The following PFKL variants were observed in gnomAD, a reference collection of about 807,000 sequenced individuals.
The protein encoded by PFKL is ATP-dependent 6-phosphofructokinase, liver type.
A neutral mutation model predicts 92.1 loss-of-function variants in PFKL; 74 were observed. The observed-to-expected ratio is 0.80, with a 90% CI of 0.67 to 0.97. The LOEUF is 0.97. Ranked by LOEUF, PFKL falls within the 50% of genes least tolerant of loss-of-function variation. The pLI, the probability that PFKL is intolerant of heterozygous loss-of-function variation, is 0.00. For synonymous variants in PFKL, 494 were observed against 456.4 expected, an observed-to-expected ratio of 1.08 and a Z score of -1.05; for missense variants, 1,028 against 1,116.6, an observed-to-expected ratio of 0.92 and a Z score of 1.13.
chr21:44,303,728 C>T (rs1200610754), intron 1 of PFKL, among the ~76,000 whole-genome samples: 1 of 152,148 alleles, frequency 6.6e-6, no homozygotes, highest in Non-Finnish European at 1.5e-5. Context: ...CCATTTCATG[C>T]TCACTGCTTT....
chr21:44,320,360 G>A (rs2047326516), intron 12 of PFKL: 1 of 509,072 alleles, frequency 2.0e-6, no homozygotes, highest in African/African-American at 1.9e-5. Context: ...CTGCAGGGCT[G>A]GCTGTTGCTT....
At chr21:44,314,276 C>G in intron 7 of PFKL, 2 of 525,184 alleles carry the variant, frequency 3.8e-6, no homozygotes, top group Non-Finnish European at 6.8e-6. Context: ...CAGGCTCAGC[C>G]CCGTGGTCAG....
chr21:44,323,635 G>A (rs1200861511), intron 15 of PFKL, 131 bp from the exon 16 acceptor site: 7 of 944,228 alleles, frequency 7.4e-6, no homozygotes, highest in African/African-American at 1.6e-5. Flanking sequence ...GAGCAGGTGG[G>A]TCCTGGCGTC....
At chr21:44,312,395 G>A in intron 4 of PFKL, 101 bp downstream of exon 4, 2 of 1,151,046 alleles carry the variant, frequency 1.7e-6, no homozygotes, top group Non-Finnish European at 2.4e-6. Context: ...ATCCCTGGGT[G>A]CCCCGAGGCA....
chr21:44,310,861 C>T (rs552238914), intron 2 of PFKL, 145 bp from the exon 3 acceptor site: 4 of 624,002 alleles, frequency 6.4e-6, no homozygotes, highest in South Asian at 5.7e-5. Flanking sequence ...ACCCTGTTAC[C>T]CAGGCCCTGG....
In PFKL at chr21:44,313,899, G is replaced by A. The variant is rs760630792; in HGVS notation, c.639-14G>A. On this transcript the variant is annotated splice_polypyrimidine_tract_variant and intron_variant, in intron 6 of 21. Transcript: ENST00000349048. ...GGGTGGGGGTCCTGAGCAGGCAGGC[G>A]CTCGCTCCTCCAGGTACCTGGCGCT... 4 of 1,566,628 alleles carry A rather than the reference G, an allele frequency of 2.6e-6. No homozygotes were observed. The highest frequency in any genetic ancestry group is 1.2e-5 in the South Asian group (1 of 86,200).
At chr21:44,325,084 G>A in intron 18 of PFKL, 69 bp from the exon 19 acceptor site, 2 of 1,277,596 alleles carry the variant, frequency 1.6e-6, no homozygotes, top group Non-Finnish European at 2.3e-6. Flanking sequence ...GCCTGGCCCA[G>A]CGGGGACTCA....
At position 44,319,373 on chromosome 21, in the gene PFKL, T is replaced by C. The variant is rs779154181; in HGVS notation, c.1085T>C (p.Met362Thr). The C allele has an allele frequency of 8.7e-6, 14 of 1,613,642 alleles. No homozygotes were observed. Among genetic ancestry groups the C allele is most frequent in the African/African-American group, 2.7e-5 (2 of 74,924 alleles). Residue 362 changes from methionine to threonine, a missense_variant, in exon 11 of 22, where the codon ATG becomes ACG. By Grantham distance (81) the Met-to-Thr change is moderately conservative (BLOSUM62 -1). Transcript: ENST00000349048. ...AAGACCAAGGAAGTGCAGAAAGCCA[T>C]GGATGACAAGAGGTTTGACGAGGCC... The part of the protein sequence containing the change: ...VQMTKEVQKA[M>T]DDKRFDEATQ...
At chr21:44,304,250 C>G (rs2040861334) in intron 1 of PFKL, 1 of 1,289,182 alleles carries the variant, frequency 7.8e-7, no homozygotes, top group Non-Finnish European at 1.0e-6. Flanking sequence ...GACCCCTGAT[C>G]CTGGGGCCCC....
chr21:44,317,304 G>C (rs1009456531), intron 9 of PFKL, among the ~76,000 whole-genome samples: 1 of 152,130 alleles, frequency 6.6e-6, no homozygotes, highest in Non-Finnish European at 1.5e-5. Context: ...CCTGTGACTC[G>C]TGTGCTGAGC....
At chr21:44,300,234 G>A (rs2146400214) in intron 1 of PFKL, 44 bp downstream of exon 1, 2 of 946,798 alleles carry the variant, frequency 2.1e-6, no homozygotes, top group Non-Finnish European at 2.6e-6. Context: ...GGGGTGGAGG[G>A]CGCCTCCGCC....
chr21:44,313,981 A>C lies in PFKL; in HGVS notation c.707A>C (p.Glu236Ala). Residue 236 changes from glutamate to alanine, a missense_variant, in exon 7 of 22, where the codon GAG becomes GCG. Transcript: ENST00000349048. ...DWLFIPEAPP[E>A]DGWENFMCER... ...CTGTTCATCCCCGAGGCTCCACCCG[A>C]GGACGGCTGGGAGAACTTCATGTGT... is the stretch of plus-strand genomic sequence containing the variant. The C allele has an allele frequency of 6.2e-7, 1 of 1,608,408 alleles. No individual in the cohort carries two copies. Among genetic ancestry groups the C allele is most frequent in the Non-Finnish European group, 8.5e-7 (1 of 1,178,534 alleles).
In PFKL at chr21:44,316,479, C is replaced by T. The variant is rs2047209377; in HGVS notation, c.891C>T (p.Gly297=). Residue 297 remains glycine (G), a synonymous_variant, in exon 9 of 22, where the codon GGC becomes GGT. Transcript: ENST00000349048. ...LGFDTRVTVL[G]HVQRGGTPSA... ...TCGACACCCGTGTAACTGTGCTGGG[C>T]CACGTGCAGCGGGGAGGGACGCCCT... is the stretch of plus-strand genomic sequence containing the variant. 2 of 1,608,880 alleles carry T rather than the reference C, an allele frequency of 1.2e-6. No homozygotes were observed. Among genetic ancestry groups the T allele is most frequent in the Non-Finnish European group, 1.7e-6 (2 of 1,176,820 alleles).
Position 44,316,451 on chromosome 21 carries a change from G to C in PFKL, c.863G>C (p.Gly288Ala), listed in dbSNP as rs1049709703. ...CTGCAGCTGGTGGTTCAGAGGCTGG[G>C]CTTCGACACCCGTGTAACTGTGCTG... ...YVKDLVVQRL[G>A]FDTRVTVLGH... The change falls in exon 9 of 22, where the codon GGC becomes GCC. Residue 288 changes from glycine (G) to alanine (A), a missense_variant. Transcript: ENST00000349048. The C allele has an allele frequency of 1.7e-5, 28 of 1,611,796 alleles. No individual in the cohort carries two copies. The highest frequency in any genetic ancestry group is 3.3e-5 in the Admixed American group (2 of 59,976).
intron 16 of PFKL, among the ~76,000 whole-genome samples, chr21:44,324,191 T>G (rs2047433854): frequency 6.6e-6 from 1 of 151,988 alleles, no homozygotes; most frequent in South Asian, 2.1e-4. Context: ...TGCTGGGTAG[T>G]CTAAGAGCAG....
intron 14 of PFKL, 25 bp from the exon 15 acceptor site, chr21:44,322,937 C>T: frequency 6.4e-7 from 1 of 1,566,458 alleles, no homozygotes; most frequent in Non-Finnish European, 8.8e-7. Context: ...GCTGCGTGTT[C>T]ATGCGGATGT....
intron 9 of PFKL, among the ~76,000 whole-genome samples, chr21:44,317,945 G>A (rs1313598210): frequency 1.3e-5 from 2 of 152,380 alleles, no homozygotes; most frequent in South Asian, 2.1e-4. Context: ...GTCATGGGAC[G>A]GCCACGGCAA....
rs762472967 is a variant in PFKL, at chr21:44,316,325, A to G, written c.829A>G (p.Ser277Gly). Reference protein sequence around the residue: ...IDRNGKPISSSYVKDLVVQRL... With the variant: ...IDRNGKPISSGYVKDLVVQRL... ...CCGCAACGGGAAGCCCATCTCGTCCAGCTACGTGAAGGACGTGCGTGTGGG... is the reference window on the plus strand; with the variant it reads ...CCGCAACGGGAAGCCCATCTCGTCCGGCTACGTGAAGGACGTGCGTGTGGG... Residue 277 changes from serine to glycine, a missense_variant, in exon 8 of 22, where the codon AGC becomes GGC. Coordinates refer to ENST00000349048, the MANE Select transcript of PFKL (RefSeq NM_002626.6). 7 of 1,613,200 alleles carry G rather than the reference A, an allele frequency of 4.3e-6. No individual in the cohort carries two copies. The Middle Eastern group carries it at 4.9e-4, about 114-fold the overall frequency.
rs373304032 is a variant in PFKL at position 44,312,290 on chromosome 21, G to A, written c.423G>A (p.Ala141=). 191 of 1,588,962 alleles carry A rather than the reference G, an allele frequency of 1.2e-4. No homozygotes were observed. Among genetic ancestry groups the A allele is most frequent in the Middle Eastern group, 9.0e-4 (5 of 5,584 alleles). Reference sequence around the variant, plus strand: ...GCAGCCTGCTGGAGGAGCTGGTGGCGGAAGGTGGGTCTGTGCCCGGCGCAC... The same window carrying A: ...GCAGCCTGCTGGAGGAGCTGGTGGCAGAAGGTGGGTCTGTGCCCGGCGCAC... The part of the protein sequence containing the change: ...EWGSLLEELV[A]EGKISETTAR... Residue 141 remains alanine (A), a synonymous_variant, in exon 4 of 22, where the codon GCG becomes GCA. Coordinates refer to ENST00000349048, the MANE Select transcript of PFKL (RefSeq NM_002626.6).
Sources: gnomAD v4.1 joint callset for allele counts (sites outside exome capture counted in the v4.1 genomes callset) on GRCh38, gnomAD v4.1.1 for gene constraint, MANE v1.5 for transcripts, NCBI Gene and HGNC (gene_info 2026-07-23, HGNC 2026-07-21) for gene names.